Variants in FKBP14 observed in about 807,000 individuals in gnomAD.
The protein encoded by FKBP14 is FKBP prolyl isomerase 14.
Under a neutral mutation model 21.6 loss-of-function variants are expected in FKBP14, and 20 were observed. The ratio of observed to expected loss-of-function variants is 0.92; its 90% CI spans 0.65 to 1.34. The LOEUF (loss-of-function observed/expected upper bound fraction) is 1.34. FKBP14 is among the 40% of genes most tolerant of loss of function. FKBP14 has a pLI of 0.00. For missense variants in FKBP14, 253 were observed against 249.0 expected (o/e 1.02, Z -0.11); for synonymous variants, 79 against 86.7 (o/e 0.91, Z 0.49).
intron 3 of FKBP14, 120 bp downstream of exon 3, chr7:30,018,876 A>G: frequency 2.0e-6 from 2 of 1,015,538 alleles, no homozygotes; most frequent in Non-Finnish European, 2.8e-6. Context: ...TTACCTAAAT[A>G]AAAGTAGATT....
chr7:30,006,560 G>C (rs1346825875), downstream of FKBP14, among the ~76,000 whole-genome samples: 2 of 151,824 alleles, frequency 1.3e-5, no homozygotes, highest in African/African-American at 2.4e-5. Flanking sequence ...TCCTTTTTCT[G>C]GTAGGGAAGA....
chr7:30,017,607 C>T (rs1789924908), intron 3 of FKBP14, among the ~76,000 whole-genome samples: 1 of 151,860 alleles, frequency 6.6e-6, no homozygotes, highest in South Asian at 2.1e-4. Flanking sequence ...TAAAGTCTTC[C>T]TATGTTGGCC....
intron 2 of FKBP14, among the ~76,000 whole-genome samples, chr7:30,020,585 G>C (rs1016107946): frequency 2.4e-4 from 36 of 152,072 alleles, no homozygotes; most frequent in African/African-American, 8.0e-4. Context: ...TTATAAAATA[G>C]TCATAGTAAC....
chr7:30,011,522 T>C lies in FKBP14; in HGVS notation c.*3213A>G, dbSNP rs1029229422. ...CCTATACAGGTATACCATATATATATATATACACACACCATATATATATAT... is the reference window on the plus strand; with the variant it reads ...CCTATACAGGTATACCATATATATACATATACACACACCATATATATATAT... On this transcript the variant is annotated 3_prime_UTR_variant, in exon 4 of 4. Transcript: ENST00000222803. 1.4e-5 allele frequency: 2 copies of C among 145,370 alleles called. No homozygotes were observed. Among genetic ancestry groups the C allele is most frequent in the Admixed American group, 1.4e-4 (2 of 14,352 alleles). 9.0% of individuals were successfully genotyped at this position (145,370 alleles called of 1,614,324 possible).
chr7:30,015,815 C>T (rs1051350580), intron 3 of FKBP14, among the ~76,000 whole-genome samples: 9 of 151,842 alleles, frequency 5.9e-5, no homozygotes, highest in Non-Finnish European at 1.2e-4. Context: ...TTAGTAGAGA[C>T]GGCGTTTCAC....
At chr7:30,009,827 T>TAA (rs918480163), downstream of FKBP14, among the ~76,000 whole-genome samples, 40 of 102,384 alleles carry the variant, frequency 3.9e-4, 1 homozygote, top group East Asian at 5.7e-4. Flanking sequence ...CTGTCTCTAC[T>TAA]AAAAAAAAAA....
Position 30,022,816 on chromosome 7 carries a change from A to C in FKBP14, c.198T>G (p.Thr66=). 1 of 1,610,568 alleles carries C rather than the reference A, an allele frequency of 6.2e-7. No individual in the cohort carries two copies. Among genetic ancestry groups the C allele is most frequent in the Non-Finnish European group, 8.5e-7 (1 of 1,179,016 alleles). ...LEKDGSLFHS[T]HKHNNGQPIW... is the part of the protein sequence containing the mutation. ...TGGGCTGACCATTGTTATGTTTGTGACTATGATAGAAATAAAACACATTAG... is the reference window on the plus strand; with the variant it reads ...TGGGCTGACCATTGTTATGTTTGTGCCTATGATAGAAATAAAACACATTAG... The change falls in exon 2 of 4, where the codon ACT becomes ACG. Residue 66 remains threonine, a splice_region_variant and synonymous_variant. Coordinates refer to ENST00000222803, the MANE Select transcript of FKBP14 (RefSeq NM_017946.4).
rs1430849353 is a variant in FKBP14, at chr7:30,014,795, ATCT to A, written c.573_575del (p.Glu191del). On this transcript the variant is annotated inframe_deletion, in exon 4 of 4. Coordinates refer to ENST00000222803, the MANE Select transcript of FKBP14 (RefSeq NM_017946.4). ...CAGATATAAACCCATCTTTGTCTTC[ATCT>A]TCTTTATCAAAAATATCCTCCACCA... 1 of 1,611,614 alleles carries A rather than the reference ATCT, an allele frequency of 6.2e-7. No individual in the cohort carries two copies. The highest frequency in any genetic ancestry group is 2.2e-5 in the East Asian group (1 of 44,662).
At chr7:30,009,289 G>A (rs1301725494), downstream of FKBP14, among the ~76,000 whole-genome samples, 2 of 149,852 alleles carry the variant, frequency 1.3e-5, no homozygotes, top group East Asian at 3.9e-4. Flanking sequence ...CTGGAATGTA[G>A]TAGCACAATT....
intron 1 of FKBP14, among the ~76,000 whole-genome samples, chr7:30,024,185 A>G (rs1790110910): frequency 6.6e-6 from 1 of 152,206 alleles, no homozygotes; most frequent in African/African-American, 2.4e-5. Context: ...AAATCTGGGT[A>G]ATGCCATTTT....
chr7:30,014,352 A>C lies in FKBP14; in HGVS notation c.*383T>G, dbSNP rs1489617818. On this transcript the variant is annotated 3_prime_UTR_variant, in exon 4 of 4. Coordinates refer to ENST00000222803, the MANE Select transcript of FKBP14 (RefSeq NM_017946.4). Reference sequence around the variant, plus strand: ...ATTGCAAAAGGCTTTTCAAATGTTGACCTCTAACTTGGAGAAAATAGAGGG... The same window carrying C: ...ATTGCAAAAGGCTTTTCAAATGTTGCCCTCTAACTTGGAGAAAATAGAGGG... The C allele has an allele frequency of 6.5e-6, 1 of 153,870 alleles. No individual in the cohort carries two copies. The highest frequency in any genetic ancestry group is 1.4e-5 in the Non-Finnish European group (1 of 69,276). 9.5% of individuals were successfully genotyped at this position (153,870 alleles called of 1,614,324 possible).
chr7:30,020,244 G>T, intron 2 of FKBP14: 1 of 1,270,630 alleles, frequency 7.9e-7, no homozygotes, highest in Non-Finnish European at 1.0e-6. Context: ...TGTGACATGC[G>T]CTAGGTTGTT....
chr7:30,009,109 A>G (rs1789668014), downstream of FKBP14, among the ~76,000 whole-genome samples: 1 of 152,080 alleles, frequency 6.6e-6, no homozygotes, highest in African/African-American at 2.4e-5. Flanking sequence ...AAAAAACAAA[A>G]ATTCTTATGT....
intron 1 of FKBP14, 75 bp downstream of exon 1, chr7:30,026,237 C>T: frequency 2.9e-6 from 4 of 1,389,532 alleles, no homozygotes; most frequent in Non-Finnish European, 3.9e-6. Flanking sequence ...GTACAGGCCA[C>T]CTTTCCTGCT....
intron 2 of FKBP14, 63 bp downstream of exon 2, chr7:30,022,602 C>T: frequency 6.6e-7 from 1 of 1,513,444 alleles, no homozygotes; most frequent in Non-Finnish European, 8.8e-7. Flanking sequence ...ACTCTAACTT[C>T]TGTCTCCTAA....
Position 30,014,550 on chromosome 7 carries a change from CCAATAACTTAT to C in FKBP14, c.*174_*184del, listed in dbSNP as rs1376564169. The C allele has an allele frequency of 7.5e-5, 28 of 372,836 alleles. No homozygotes were observed. The highest frequency in any genetic ancestry group is 1.3e-4 in the Non-Finnish European group (28 of 216,202). 23.1% of individuals were successfully genotyped at this position (372,836 alleles called of 1,614,324 possible). ...TCAAAGACCAATTAGCTTTTTCTTC[CCAATAACTTAT>C]CAGAAAGAAATGGGTACTTAGAAAC... On this transcript the variant is annotated 3_prime_UTR_variant, in exon 4 of 4. Coordinates refer to ENST00000222803, the MANE Select transcript of FKBP14 (RefSeq NM_017946.4).
intron 3 of FKBP14, among the ~76,000 whole-genome samples, chr7:30,018,382 T>C (rs1260485596): frequency 1.3e-5 from 2 of 152,128 alleles, no homozygotes; most frequent in East Asian, 3.8e-4. Flanking sequence ...CTAAGACAGG[T>C]ATGTGTAGCA....
At chr7:30,017,559 T>G (rs1381171258) in intron 3 of FKBP14, among the ~76,000 whole-genome samples, 1 of 150,138 alleles carries the variant, frequency 6.7e-6, no homozygotes. Flanking sequence ...CAGAGTGAGA[T>G]TCCGTCTAAA....
intron 2 of FKBP14, chr7:30,020,345 T>C (rs1181361602): frequency 1.8e-6 from 2 of 1,089,904 alleles, no homozygotes; most frequent in Admixed American, 2.8e-5. Context: ...AAAATTAGTT[T>C]CATGGCATTC....
Sources: allele counts gnomAD v4.1 joint callset (sites outside exome capture counted in the v4.1 genomes callset), GRCh38; gene constraint gnomAD v4.1.1; transcripts MANE v1.5; gene names NCBI Gene and HGNC (gene_info 2026-07-23, HGNC 2026-07-21).